TM9SF1: variants seen among roughly 807,000 people sequenced by gnomAD.
TM9SF1 encodes transmembrane 9 superfamily member 1.
In TM9SF1, 25 loss-of-function variants were observed where a neutral mutation model predicts 52.4. The ratio of observed to expected loss-of-function variants is 0.48; its 90% CI spans 0.35 to 0.67. The LOEUF (loss-of-function observed/expected upper bound fraction) is 0.67. Among genes scored for constraint, TM9SF1 ranks in the 30% least tolerant of loss-of-function variants. The pLI, the probability that TM9SF1 is intolerant of heterozygous loss-of-function variation, is 0.01. For synonymous variants in TM9SF1, 284 were observed against 299.8 expected, an observed-to-expected ratio of 0.95 and a Z score of 0.55; for missense variants, 604 against 780.3, an observed-to-expected ratio of 0.77 and a Z score of 2.69.
chr14:24,189,278 G>T lies in TM9SF1; in HGVS notation c.*137C>A. On this transcript the variant is annotated 3_prime_UTR_variant, in exon 6 of 6. Coordinates refer to ENST00000261789, the MANE Select transcript of TM9SF1 (RefSeq NM_006405.7). The stretch of plus-strand genomic sequence containing the variant: ...TTTATAATTTCCAGGCCCTCTCTGG[G>T]GAAGGAATGCCCAAAGGGCAAAAGG... The T allele has an allele frequency of 1.1e-6, 1 of 906,862 alleles. No individual in the cohort carries two copies. The highest frequency in any genetic ancestry group is 1.7e-6 in the Non-Finnish European group (1 of 601,974). 56.2% of individuals were successfully genotyped at this position (906,862 alleles called of 1,614,324 possible).
At chr14:24,193,806 G>C (rs563090643) in intron 2 of TM9SF1, among the ~76,000 whole-genome samples, 40 of 151,860 alleles carry the variant, frequency 2.6e-4, no homozygotes, top group Middle Eastern at 6.8e-3. Flanking sequence ...TGTAGTCCCA[G>C]CTACTCGGGA....
Position 24,190,522 on chromosome 14 carries a change from T to A in TM9SF1, c.1285A>T (p.Ile429Phe), listed in dbSNP as rs773624205. The change falls in exon 5 of 6, where the codon ATT (isoleucine) becomes TTT (phenylalanine). Residue 429 changes from isoleucine (I) to phenylalanine (F), a missense_variant. Around this residue, in one of 3 missense-constraint regions of TM9SF1, gnomAD observed 450 missense variants for 560.1 expected, o/e 0.80. Transcript: ENST00000261789. The stretch of plus-strand genomic sequence containing the variant: ...TTGTTCTTCCCAAAGATGCCTCCAA[T>A]GACAGTGAGGGGAAAGCCCACCAGC... ...WLLVGFPLTV[I>F]GGIFGKNNAS... is the part of the protein sequence containing the mutation. 2 of 1,613,964 alleles carry A rather than the reference T, an allele frequency of 1.2e-6. No homozygotes were observed.
chr14:24,194,015 T>A (rs1171544945), intron 2 of TM9SF1, among the ~76,000 whole-genome samples: 1 of 151,944 alleles, frequency 6.6e-6, no homozygotes, highest in Non-Finnish European at 1.5e-5. Context: ...TCCCGTGCAC[T>A]GTAGGATGTA....
At chr14:24,193,927 A>G (rs1419471133) in intron 2 of TM9SF1, among the ~76,000 whole-genome samples, 2 of 151,580 alleles carry the variant, frequency 1.3e-5, no homozygotes, top group African/African-American at 2.4e-5. Flanking sequence ...CTCAAAAAAA[A>G]AAAAAAAGTG....
chr14:24,193,283 G>A lies in TM9SF1; in HGVS notation c.346-14C>T, dbSNP rs1479268144. The stretch of plus-strand genomic sequence containing the variant: ...CAGCTGCTCCACCTATAAAGAGCAA[G>A]TCAGGAGTTGGTCACACAAGATCTC... On this transcript the variant is annotated splice_polypyrimidine_tract_variant and intron_variant, in intron 2 of 5. Transcript: ENST00000261789. 3 of 1,574,188 alleles carry A rather than the reference G, an allele frequency of 1.9e-6. No individual in the cohort carries two copies. The highest frequency in any genetic ancestry group is 2.6e-6 in the Non-Finnish European group (3 of 1,158,648).
chr14:24,193,024 G>A lies in TM9SF1; in HGVS notation c.591C>T (p.Phe197=), dbSNP rs757035308. The change falls in exon 3 of 6, where the codon TTC becomes TTT. Residue 197 remains phenylalanine, a synonymous_variant. Coordinates refer to ENST00000261789, the MANE Select transcript of TM9SF1 (RefSeq NM_006405.7). ...CGCTATAAGTGTGGGTAAGGCCTAG[G>A]AACTCGTCAGGTCGTAACCCATCCA... ...HSLDGLRPDE[F]LGLTHTYSVR... The A allele has an allele frequency of 3.7e-6, 6 of 1,614,182 alleles. No individual in the cohort carries two copies. The highest frequency in any genetic ancestry group is 1.1e-5 in the South Asian group (1 of 91,078).
intron 4 of TM9SF1, among the ~76,000 whole-genome samples, chr14:24,191,117 A>G (rs3742504): frequency 0.63 from 95,539 of 151,738 alleles, 32,255 homozygotes; most frequent in East Asian, 0.9. Context: ...TGCCTGCCTC[A>G]GCCTCCCAAA....
At chr14:24,190,177 C>G in intron 5 of TM9SF1, 1 of 1,379,312 alleles carries the variant, frequency 7.2e-7, no homozygotes, top group South Asian at 1.9e-5. Flanking sequence ...GGGGAAATGT[C>G]TCCGGAGAGC....
Position 24,193,157 on chromosome 14 carries a change from T to G in TM9SF1, c.458A>C (p.His153Pro), listed in dbSNP as rs1180099247. The G allele has an allele frequency of 1.9e-6, 3 of 1,614,160 alleles. No individual in the cohort carries two copies. The highest frequency in any genetic ancestry group is 2.5e-6 in the Non-Finnish European group (3 of 1,180,048). Residue 153 changes from histidine to proline, a missense_variant, in exon 3 of 6, where the codon CAC (histidine) becomes CCC (proline). Around this residue, in one of 3 missense-constraint regions of TM9SF1, gnomAD observed 450 missense variants for 560.1 expected, o/e 0.80. Transcript: ENST00000261789. ...GYMEESGFLP[H>P]SHKIGLWTHL... is the part of the protein sequence containing the mutation. ...GGTCCAGAGTCCTATCTTGTGGCTG[T>G]GTGGCAGGAAACCACTCTCCTCCAT...
chr14:24,193,090 T>A lies in TM9SF1; in HGVS notation c.525A>T (p.Ile175=), dbSNP rs62621251. ...CGTCCCGCACTGAAACATTGGCAAA[T>A]ATAATTCGGTCTCCATGGAATTCTA... ...FHLEFHGDRI[I]FANVSVRDVK... The change falls in exon 3 of 6, where the codon ATA becomes ATT. Residue 175 remains isoleucine (I), a synonymous_variant. Coordinates refer to ENST00000261789, the MANE Select transcript of TM9SF1 (RefSeq NM_006405.7). The A allele has an allele frequency of 6.2e-7, 1 of 1,613,896 alleles. No individual in the cohort carries two copies. Among genetic ancestry groups the A allele is most frequent in the Non-Finnish European group, 8.5e-7 (1 of 1,180,016 alleles).
rs1412005853 is a variant in TM9SF1, at chr14:24,189,626, A to C, written c.1610T>G (p.Leu537Arg). 6.2e-7 allele frequency: 1 copy of C among 1,613,990 alleles called. No homozygotes were observed. Among genetic ancestry groups the C allele is most frequent in the Non-Finnish European group, 8.5e-7 (1 of 1,180,026 alleles). Residue 537 changes from leucine (L) to arginine (R), a missense_variant, in exon 6 of 6, where the codon CTG (leucine) becomes CGG (arginine). Transcript: ENST00000261789. ...GAAGAGGCCGGTGGAGCCAACACTC[A>C]GCACAGATCGCCACCACCAGCGGTA... ...EDYRWWWRSV[L>R]SVGSTGLFIF...
chr14:24,195,249 C>T (rs1201851870), intron 1 of TM9SF1, 97 bp downstream of exon 1: 3 of 557,598 alleles, frequency 5.4e-6, no homozygotes, highest in Non-Finnish European at 9.6e-6. Flanking sequence ...GCCCGTCTGG[C>T]CCGGGGCCTC....
chr14:24,190,236 G>T, intron 5 of TM9SF1, 144 bp downstream of exon 5: 1 of 1,489,234 alleles, frequency 6.7e-7, no homozygotes, highest in Non-Finnish European at 8.9e-7. Context: ...CCTGCTTGGG[G>T]ATAGGAGGAA....
In TM9SF1 at chr14:24,194,862, T is replaced by C. The variant is rs755049639; in HGVS notation, c.158A>G (p.His53Arg). ...GTAGTGGTAAGTTTCCTGAGGGTTA[T>C]GGTAGGGTCCCACTTTGTTGACATA... ...ILYVNKVGPYHNPQETYHYYQ... is the reference protein window; with the variant it reads ...ILYVNKVGPYRNPQETYHYYQ... Residue 53 changes from histidine (H) to arginine (R), a missense_variant, in exon 2 of 6, where the codon CAT (histidine) becomes CGT (arginine). His to Arg is a conservative substitution (Grantham distance 29, BLOSUM62 0). Transcript: ENST00000261789. 5 of 1,614,126 alleles carry C rather than the reference T, an allele frequency of 3.1e-6. No individual in the cohort carries two copies. In the African/African-American group the frequency reaches 6.7e-5, roughly 22 times the overall value.
At chr14:24,194,537 C>A in intron 2 of TM9SF1, 138 bp downstream of exon 2, 2 of 839,080 alleles carry the variant, frequency 2.4e-6, no homozygotes, top group Non-Finnish European at 1.9e-6. Context: ...CATCACCTAA[C>A]CTGCCTGCCA....
rs778799582 is a variant in TM9SF1, at chr14:24,194,956, G to A, written c.64C>T (p.Leu22=). 2.5e-6 allele frequency: 4 copies of A among 1,614,078 alleles called. No homozygotes were observed. The East Asian group carries it at 8.9e-5, about 36-fold the overall frequency. ...CQWLPILILL[L]GTGHGPGVEG... is the part of the protein sequence containing the mutation. Reference sequence around the variant, plus strand: ...ACCCCTGGCCCATGGCCTGTGCCCAGCAACAGTATCAGGATTGGCAACCAC... The same window carrying A: ...ACCCCTGGCCCATGGCCTGTGCCCAACAACAGTATCAGGATTGGCAACCAC... Residue 22 remains leucine (L), a synonymous_variant, in exon 2 of 6, where the codon CTG becomes TTG. Coordinates refer to ENST00000261789, the MANE Select transcript of TM9SF1 (RefSeq NM_006405.7).
At chr14:24,194,322 G>A (rs964816496) in intron 2 of TM9SF1, among the ~76,000 whole-genome samples, 2 of 152,176 alleles carry the variant, frequency 1.3e-5, no homozygotes, top group Non-Finnish European at 2.9e-5. Context: ...AGAGACTACA[G>A]GAAACAGCTA....
chr14:24,193,919 C>CA lies in TM9SF1; in HGVS notation c.346-651dup, dbSNP rs773893022. ...TGGGCGACAGAGCAAGACTCTGTCT[C>CA]AAAAAAAAAAAAAAAGTGCTGGGAT... is the stretch of plus-strand genomic sequence containing the variant. On this transcript the variant is annotated intron_variant, in intron 2 of 5. Coordinates refer to ENST00000261789, the MANE Select transcript of TM9SF1 (RefSeq NM_006405.7). Among the ~76,000 whole-genome samples the CA allele has an allele frequency of 3.2e-3, 402 of 124,636 alleles. 2 individuals are homozygous for CA. Among genetic ancestry groups the CA allele is most frequent in the Admixed American group, 0.013 (161 of 12,274 alleles). 81.8% of individuals were successfully genotyped at this position (124,636 alleles called of 152,430 possible). A position where few individuals can be genotyped will look rare whatever the true frequency, so the allele number is the denominator to read the frequency against.
chr14:24,194,580 G>T, intron 2 of TM9SF1, 95 bp downstream of exon 2: 2 of 1,213,178 alleles, frequency 1.6e-6, no homozygotes, highest in Non-Finnish European at 2.4e-6. Flanking sequence ...AATCAAATCA[G>T]ACAATTTCCA....
Sources: gnomAD v4.1 joint callset for allele counts (sites outside exome capture counted in the v4.1 genomes callset) on GRCh38, gnomAD v4.1.1 for gene constraint, gnomAD v4.1.1 regional missense constraint, MANE v1.5 for transcripts, NCBI Gene and HGNC (gene_info 2026-07-23, HGNC 2026-07-21) for gene names.